Variants in ARHGEF11 observed in about 807,000 individuals in gnomAD.
The protein encoded by ARHGEF11 is Rho guanine exchange factor (GEF) 11.
ARHGEF11 carries 55 observed loss-of-function variants against 193.7 expected under a neutral mutation model. That is an observed-to-expected ratio of 0.28 (90% CI 0.23 to 0.36). ARHGEF11 has a LOEUF of 0.36. Among genes scored for constraint, ARHGEF11 ranks in the 10% least tolerant of loss-of-function variants. The pLI, the probability that ARHGEF11 is intolerant of heterozygous loss-of-function variation, is 1.00. For synonymous variants in ARHGEF11, 693 were observed against 768.0 expected (o/e 0.90, Z 1.62); for missense variants, 1,723 against 2,005.6 (o/e 0.86, Z 2.69).
chr1:157,011,257 G>T (rs1668504218), intron 1 of ARHGEF11, among the ~76,000 whole-genome samples: 1 of 152,108 alleles, frequency 6.6e-6, no homozygotes, highest in East Asian at 1.9e-4. Context: ...TTCAATAAAT[G>T]GTGCTAAGAC....
chr1:156,958,605 G>T, intron 17 of ARHGEF11, 137 bp downstream of exon 17: 1 of 1,256,772 alleles, frequency 8.0e-7, no homozygotes, highest in Non-Finnish European at 1.1e-6. Context: ...CAGCAGGAGT[G>T]CAGGACTCCC....
chr1:156,999,979 T>A (rs1571433539), intron 1 of ARHGEF11, among the ~76,000 whole-genome samples: 1 of 152,240 alleles, frequency 6.6e-6, no homozygotes, highest in African/African-American at 2.4e-5. Context: ...TTTTAAAATT[T>A]TTTTGAGACA....
chr1:157,018,387 T>TA (rs903450376), intron 1 of ARHGEF11, among the ~76,000 whole-genome samples: 4 of 152,136 alleles, frequency 2.6e-5, no homozygotes, highest in African/African-American at 9.7e-5. Context: ...CTCATGCCTG[T>TA]AATCCCAGCA....
At chr1:156,999,268 A>G (rs1666923135) in intron 1 of ARHGEF11, among the ~76,000 whole-genome samples, 1 of 152,202 alleles carries the variant, frequency 6.6e-6, no homozygotes, top group African/African-American at 2.4e-5. Context: ...GGTTCAGCTA[A>G]GTTACATAAG....
Position 156,967,980 on chromosome 1 carries a change from C to A in ARHGEF11, c.963+7G>T, listed in dbSNP as rs1386855477. 1.2e-6 allele frequency: 2 copies of A among 1,613,846 alleles called. No individual in the cohort carries two copies. The highest frequency in any genetic ancestry group is 1.7e-6 in the Non-Finnish European group (2 of 1,180,030). On this transcript the variant is annotated splice_region_variant and intron_variant, in intron 11 of 40. Coordinates refer to ENST00000368194, the MANE Select transcript of ARHGEF11 (RefSeq NM_198236.3). The stretch of plus-strand genomic sequence containing the variant: ...GGAAAACTGCAGGGTGGCTCCAGAT[C>A]ACTCACCTGGTCACCGGTTGAGGGG...
chr1:157,041,589 T>C (rs1672755852), intron 1 of ARHGEF11, among the ~76,000 whole-genome samples: 1 of 152,242 alleles, frequency 6.6e-6, no homozygotes, highest in Admixed American at 6.5e-5. Flanking sequence ...CTAATTGACC[T>C]TATTTGACTA....
rs143192246 is a variant in ARHGEF11 at position 156,974,668 on chromosome 1, T to C, written c.582+2315A>G. 7.9e-3 allele frequency among the ~76,000 whole-genome samples: 1,205 copies of C among 152,302 alleles called. 61 individuals are homozygous for C. Among genetic ancestry groups the C allele is most frequent in the Admixed American group, 0.063 (959 of 15,294 alleles). ...GGTACCTGTAAGCAGTCACTCCCAA[T>C]TTCCCCTTCCTTCAACCCTCTGGCA... On this transcript the variant is annotated intron_variant, in intron 7 of 40. Coordinates refer to ENST00000368194, the MANE Select transcript of ARHGEF11 (RefSeq NM_198236.3).
At chr1:156,941,837 C>A (rs767284172) in intron 34 of ARHGEF11, 27 bp downstream of exon 34, 6 of 1,582,414 alleles carry the variant, frequency 3.8e-6, no homozygotes, top group Non-Finnish European at 5.1e-6. Flanking sequence ...GGAGAGAGTG[C>A]AGGGTCTGGA....
At chr1:157,037,578 C>T (rs1397785948) in intron 1 of ARHGEF11, among the ~76,000 whole-genome samples, 1 of 152,172 alleles carries the variant, frequency 6.6e-6, no homozygotes, top group Non-Finnish European at 1.5e-5. Flanking sequence ...TCTCTTTCTT[C>T]GACCTGAATA....
chr1:156,947,509 A>G, intron 25 of ARHGEF11, 59 bp from the exon 26 acceptor site: 2 of 1,499,500 alleles, frequency 1.3e-6, no homozygotes, highest in Non-Finnish European at 1.8e-6. Flanking sequence ...ATCAGCAAGT[A>G]TCTAGAGTCC....
chr1:156,940,099 C>T (rs1334895118), intron 36 of ARHGEF11, 108 bp downstream of exon 36: 2 of 1,424,582 alleles, frequency 1.4e-6, no homozygotes, highest in Non-Finnish European at 1.9e-6. Flanking sequence ...TCTCCTCAAG[C>T]ACACCAGGAA....
chr1:157,007,913 G>GTTTTTTTTTTTTTTT (rs10580966), intron 1 of ARHGEF11, among the ~76,000 whole-genome samples: 9 of 118,826 alleles, frequency 7.6e-5, no homozygotes, highest in Non-Finnish European at 1.6e-4. Flanking sequence ...TTTTTTTTTT[G>GTTTTTTTTTTTTTTT]TTTTTTTTTT....
At chr1:157,002,688 G>A (rs2102690267) in intron 1 of ARHGEF11, among the ~76,000 whole-genome samples, 1 of 152,184 alleles carries the variant, frequency 6.6e-6, no homozygotes, top group South Asian at 2.1e-4. Context: ...TGTTGATAAA[G>A]CCTGCAATAA....
Position 156,937,405 on chromosome 1 carries a change from G to A in ARHGEF11, c.4284C>T (p.Ser1428=), listed in dbSNP as rs772166346. ...GAGGCTCTGTCTGCCCTGCAGGGAG[G>A]CTGTCAGGCTGAGGGGGGCTCATGG... ...EAPMSPPQPD[S]LPAGQTEPQP... Residue 1428 remains serine (S), a synonymous_variant, in exon 39 of 41, where the codon AGC becomes AGT. Coordinates refer to ENST00000368194, the MANE Select transcript of ARHGEF11 (RefSeq NM_198236.3). 1.9e-6 allele frequency: 3 copies of A among 1,594,306 alleles called. No homozygotes were observed. In the Admixed American group the frequency reaches 5.2e-5, roughly 28 times the overall value.
At chr1:157,045,915 T>A (rs1217012168), upstream of ARHGEF11, among the ~76,000 whole-genome samples, 1 of 150,742 alleles carries the variant, frequency 6.6e-6, no homozygotes, top group Non-Finnish European at 1.5e-5. Context: ...CTCGCTGCGC[T>A]GCCCGCCGCC....
intron 1 of ARHGEF11, among the ~76,000 whole-genome samples, chr1:157,003,055 C>A (rs751623665): frequency 2.6e-5 from 4 of 152,192 alleles, no homozygotes; most frequent in Non-Finnish European, 5.9e-5. Context: ...GTAAGAATTC[C>A]TTATTGATTG....
chr1:156,988,095 G>C (rs1665189319), intron 1 of ARHGEF11, among the ~76,000 whole-genome samples: 1 of 152,186 alleles, frequency 6.6e-6, no homozygotes, highest in Non-Finnish European at 1.5e-5. Flanking sequence ...TATAATGCCT[G>C]ATGCCCGGGG....
intron 1 of ARHGEF11, among the ~76,000 whole-genome samples, chr1:157,012,352 G>A (rs1032633261): frequency 6.6e-6 from 1 of 152,152 alleles, no homozygotes; most frequent in African/African-American, 2.4e-5. Context: ...GCAGGAAAGG[G>A]AAGAGCATAG....
intron 11 of ARHGEF11, among the ~76,000 whole-genome samples, chr1:156,964,529 G>C (rs1661430913): frequency 6.6e-6 from 1 of 152,106 alleles, no homozygotes; most frequent in African/African-American, 2.4e-5. Flanking sequence ...TTCTTAAGGG[G>C]CTTTTCCTGA....
Sources: allele counts gnomAD v4.1 joint callset (sites outside exome capture counted in the v4.1 genomes callset), GRCh38; gene constraint gnomAD v4.1.1; transcripts MANE v1.5; gene names NCBI Gene and HGNC (gene_info 2026-07-23, HGNC 2026-07-21).